The following GABRA2 variants were observed in gnomAD, a reference collection of about 807,000 sequenced individuals.
GABRA2 encodes gamma-aminobutyric acid type A receptor subunit alpha2.
GABRA2 carries 16 observed loss-of-function variants against 48.7 expected under a neutral mutation model. The ratio of observed to expected loss-of-function variants is 0.33; its 90% CI spans 0.22 to 0.50. The LOEUF (loss-of-function observed/expected upper bound fraction) is 0.50, where lower values mean the gene tolerates loss of function less well. Ranked by LOEUF, GABRA2 falls within the 20% of genes least tolerant of loss-of-function variation. The pLI is 0.98. For synonymous variants in GABRA2, 185 were observed against 184.5 expected, an observed-to-expected ratio of 1.00 and a Z score of -0.02; for missense variants, 275 against 535.6, an observed-to-expected ratio of 0.51 and a Z score of 4.80.
Position 46,314,540 on chromosome 4 carries a change from T to C in GABRA2, c.256-1824A>G, listed in dbSNP as rs1028749718. ...ATATGGGGGCATATGTGCAGGTTTG[T>C]TACATGAGCATATTGTGTCATGCTG... On this transcript the variant is annotated intron_variant, in intron 4 of 9. Coordinates refer to ENST00000381620, the MANE Select transcript of GABRA2 (RefSeq NM_000807.4). Among the ~76,000 whole-genome samples, 32 of 152,214 alleles carry C rather than the reference T, an allele frequency of 2.1e-4. No individual in the cohort carries two copies. In the Middle Eastern group the frequency reaches 0.014, roughly 65 times the overall value.
intron 3 of GABRA2, among the ~76,000 whole-genome samples, chr4:46,357,014 GTTGT>G (rs777390054): frequency 3.6e-4 from 55 of 151,218 alleles, no homozygotes; most frequent in Admixed American, 2.9e-3. Context: ...TTTTGTTGTT[GTTGT>G]TTGTTTGTTT....
At chr4:46,279,945 G>A (rs529088113) in intron 8 of GABRA2, among the ~76,000 whole-genome samples, 5 of 151,906 alleles carry the variant, frequency 3.3e-5, no homozygotes, top group South Asian at 4.2e-4. Flanking sequence ...ATAAGTTTTC[G>A]AATGGATTTT....
intron 3 of GABRA2, among the ~76,000 whole-genome samples, chr4:46,342,294 C>A (rs1163552632): frequency 6.6e-6 from 1 of 152,050 alleles, no homozygotes; most frequent in Non-Finnish European, 1.5e-5. Flanking sequence ...TCTGCCACTG[C>A]TCTTGTTGCG....
chr4:46,381,238 T>C (rs181642038), intron 3 of GABRA2, among the ~76,000 whole-genome samples: 41 of 152,306 alleles, frequency 2.7e-4, no homozygotes, highest in Admixed American at 2.4e-3. Context: ...ACCTATAAAA[T>C]TGATCCGAAA....
At chr4:46,344,610 T>A (rs1388602914) in intron 3 of GABRA2, among the ~76,000 whole-genome samples, 1 of 151,664 alleles carries the variant, frequency 6.6e-6, no homozygotes, top group Non-Finnish European at 1.5e-5. Flanking sequence ...AGGGAGAAGC[T>A]GAATATACAG....
intron 8 of GABRA2, among the ~76,000 whole-genome samples, chr4:46,292,376 C>G (rs1167424986): frequency 6.6e-6 from 1 of 152,192 alleles, no homozygotes; most frequent in African/African-American, 2.4e-5. Context: ...ACGAAAGGTG[C>G]ATGTGCAGCC....
intron 4 of GABRA2, among the ~76,000 whole-genome samples, chr4:46,332,215 G>GT (rs1731486109): frequency 6.6e-6 from 1 of 152,032 alleles, no homozygotes; most frequent in African/African-American, 2.4e-5. Flanking sequence ...TGTTGTTGTT[G>GT]TTTTTAAATG....
At chr4:46,293,555 G>A (rs778447729) in intron 8 of GABRA2, among the ~76,000 whole-genome samples, 37 of 152,298 alleles carry the variant, frequency 2.4e-4, no homozygotes, top group Admixed American at 6.5e-4. Context: ...TCTGACTACA[G>A]TTGGTCCAGT....
intron 3 of GABRA2, chr4:46,364,087 A>G (rs977151523): frequency 2.0e-4 from 30 of 152,204 alleles, no homozygotes; most frequent in African/African-American, 6.5e-4. Flanking sequence ...TTCATGAAGT[A>G]TCTATTCCTA....
At chr4:46,326,981 A>C (rs1160508148) in intron 4 of GABRA2, among the ~76,000 whole-genome samples, 2 of 151,920 alleles carry the variant, frequency 1.3e-5, no homozygotes, top group East Asian at 3.9e-4. Context: ...TATCCAACAG[A>C]TCACCAATTC....
In GABRA2 at chr4:46,267,013, C is replaced by T. The variant is rs567502406; in HGVS notation, c.857-4885G>A. Among the ~76,000 whole-genome samples, 18 of 152,062 alleles carry T rather than the reference C, an allele frequency of 1.2e-4. No individual in the cohort carries two copies. The East Asian group carries it at 2.9e-3, about 25-fold the overall frequency. On this transcript the variant is annotated intron_variant, in intron 8 of 9. Transcript: ENST00000381620. ...TGCTGGGATTACAGGTGTGAGCCACCGTGCATGGTCCAAATATTCTTTTTT... is the reference window on the plus strand; with the variant it reads ...TGCTGGGATTACAGGTGTGAGCCACTGTGCATGGTCCAAATATTCTTTTTT...
intron 3 of GABRA2, among the ~76,000 whole-genome samples, chr4:46,376,773 CCCACGGTCTCCCTCTCCCTCTCT>C (rs1560601332): frequency 1.3e-5 from 2 of 149,862 alleles, no homozygotes; most frequent in African/African-American, 2.5e-5. Context: ...TCTCCCTCTC[CCCACGGTCTCCCTCTCCCTCTCT>C]CCACGGTCTC....
intron 4 of GABRA2, 148 bp from the exon 5 acceptor site, chr4:46,312,864 G>A: frequency 1.8e-6 from 1 of 559,720 alleles, no homozygotes; most frequent in Non-Finnish European, 3.1e-6. Flanking sequence ...TACTCCTTTG[G>A]CTTATCAATA....
In GABRA2 at chr4:46,356,797, G is replaced by C. The variant is rs534139683; in HGVS notation, c.188-24115C>G. Among the ~76,000 whole-genome samples, 5 of 152,212 alleles carry C rather than the reference G, an allele frequency of 3.3e-5. No individual in the cohort carries two copies. The East Asian group carries it at 9.7e-4, about 30-fold the overall frequency. ...ATTTTACTGGACATTTCCCTCCCTA[G>C]AGGGGACATTATTCACTACCCATAA... On this transcript the variant is annotated intron_variant, in intron 3 of 9. Transcript: ENST00000381620.
intron 3 of GABRA2, among the ~76,000 whole-genome samples, chr4:46,358,231 G>A (rs531947656): frequency 6.6e-6 from 1 of 152,178 alleles, no homozygotes; most frequent in African/African-American, 2.4e-5. Context: ...TGAGCTTTAC[G>A]ATGTCCCATG....
At chr4:46,306,540 CA>C (rs1314002878) in intron 6 of GABRA2, among the ~76,000 whole-genome samples, 1 of 152,190 alleles carries the variant, frequency 6.6e-6, no homozygotes, top group Non-Finnish European at 1.5e-5. Context: ...ATAACCTCTC[CA>C]TGCAGGCAGA....
intron 3 of GABRA2, chr4:46,367,692 T>C (rs1450411550): frequency 6.6e-6 from 1 of 152,126 alleles, no homozygotes; most frequent in Non-Finnish European, 1.5e-5. Flanking sequence ...ATAAACATTC[T>C]ATGCATGCTA....
In GABRA2 at chr4:46,289,774, T is replaced by C. The variant is rs116678043; in HGVS notation, c.856+13686A>G. Among the ~76,000 whole-genome samples the C allele has an allele frequency of 5.0e-3, 760 of 152,316 alleles. 7 individuals are homozygous for C. The Middle Eastern group carries it at 0.058, about 12-fold the overall frequency. ...GTTTGTTTCTGGGCTCTCAATTCTA[T>C]TCCATTGATCTATGTGTCTGTTCGT... is the stretch of plus-strand genomic sequence containing the variant. On this transcript the variant is annotated intron_variant, in intron 8 of 9. Transcript: ENST00000381620.
chr4:46,388,918 GTTTCTTTCTTTCTTTT>G (rs1386088169), intron 1 of GABRA2: 7 of 1,275,752 alleles, frequency 5.5e-6, no homozygotes, highest in African/African-American at 3.4e-5. Flanking sequence ...TTTCCTTTCT[GTTTCTTTCTTTCTTTT>G]TTTCTTTCTT....
Sources: gnomAD v4.1 joint callset for allele counts (sites outside exome capture counted in the v4.1 genomes callset) on GRCh38, gnomAD v4.1.1 for gene constraint, MANE v1.5 for transcripts, NCBI Gene and HGNC (gene_info 2026-07-23, HGNC 2026-07-21) for gene names.